DOCK5: variants seen among roughly 807,000 people sequenced by gnomAD.
DOCK5 encodes dedicator of cytokinesis 5.
In DOCK5, 142 loss-of-function variants were observed where a neutral mutation model predicts 251.8. That is an observed-to-expected ratio of 0.56 (90% CI 0.49 to 0.65). DOCK5 has a LOEUF of 0.65. Among genes scored for constraint, DOCK5 ranks in the 30% least tolerant of loss-of-function variants. The pLI is 0.00. For missense variants in DOCK5, 2,111 were observed against 2,312.3 expected (o/e 0.91, Z 1.79); for synonymous variants, 842 against 835.5 (o/e 1.01, Z -0.13).
chr8:25,384,313 G>A (rs1397657514), intron 40 of DOCK5, among the ~76,000 whole-genome samples: 1 of 152,118 alleles, frequency 6.6e-6, no homozygotes, highest in Admixed American at 6.5e-5. Context: ...AATTTTTGGT[G>A]GCAGTGAAAC....
At chr8:25,200,393 T>G (rs1468049502) in intron 1 of DOCK5, among the ~76,000 whole-genome samples, 1 of 152,216 alleles carries the variant, frequency 6.6e-6, no homozygotes, top group Non-Finnish European at 1.5e-5. Flanking sequence ...ATTTAGTAAT[T>G]TATAGCACAT....
chr8:25,316,116 C>T (rs1475874876), intron 13 of DOCK5, among the ~76,000 whole-genome samples: 1 of 151,218 alleles, frequency 6.6e-6, no homozygotes, highest in African/African-American at 2.4e-5. Context: ...TGCTGGGTAA[C>T]AAAAAAGAAA....
At chr8:25,275,309 T>C (rs1441578976) in intron 3 of DOCK5, 77 bp from the exon 4 acceptor site, 1 of 1,238,188 alleles carries the variant, frequency 8.1e-7, no homozygotes, top group East Asian at 2.4e-5. Context: ...TTATTCTCTT[T>C]ACTTTGGGCT....
chr8:25,319,699 C>G lies in DOCK5; in HGVS notation c.1542+23C>G, dbSNP rs1021870710. 4.7e-6 allele frequency: 7 copies of G among 1,500,254 alleles called. No homozygotes were observed. In the South Asian group the frequency reaches 8.5e-5, roughly 18 times the overall value. The allele number at this position is 1,500,254 out of a possible 1,614,324, so 92.9% of individuals were successfully genotyped here. A position where few individuals can be genotyped will look rare whatever the true frequency, so the allele number is the denominator to read the frequency against. Reference sequence around the variant, plus strand: ...AAGGTGAGAATGAGTCATTTGTAACCCCTGTTATCTGTTAAACCTCAGTTA... The same window carrying G: ...AAGGTGAGAATGAGTCATTTGTAACGCCTGTTATCTGTTAAACCTCAGTTA... On this transcript the variant is annotated intron_variant, in intron 15 of 51. Coordinates refer to ENST00000276440, the MANE Select transcript of DOCK5 (RefSeq NM_024940.8).
At chr8:25,224,087 A>G (rs555128420) in intron 1 of DOCK5, among the ~76,000 whole-genome samples, 9 of 152,218 alleles carry the variant, frequency 5.9e-5, no homozygotes, top group African/African-American at 2.2e-4. Context: ...ACGTTTATAT[A>G]CTATCCTTGA....
intron 49 of DOCK5, 38 bp downstream of exon 49, chr8:25,408,192 C>A: frequency 6.5e-7 from 1 of 1,537,474 alleles, no homozygotes; most frequent in Non-Finnish European, 8.8e-7. Flanking sequence ...TCTCTGGAGG[C>A]TTGCCCCCCT....
chr8:25,189,008 T>C (rs949072022), intron 1 of DOCK5, among the ~76,000 whole-genome samples: 1 of 151,438 alleles, frequency 6.6e-6, no homozygotes, highest in East Asian at 1.9e-4. Flanking sequence ...ATGGATTCTT[T>C]GCAAAGCTTT....
In DOCK5 at chr8:25,395,700, G is replaced by C. The variant is rs1801334141; in HGVS notation, c.4685G>C (p.Gly1562Ala). The part of the protein sequence containing the change: ...SGIVDPAVMG[G>A]FSNYEKAFFT... ...ATCGTGGACCCGGCCGTCATGGGGG[G>C]CTTCTCCAACTATGAAAAGGTTCGC... The change falls in exon 45 of 52, where the codon GGC becomes GCC. Residue 1562 changes from glycine (G) to alanine (A), a missense_variant. Gly to Ala is a moderately conservative substitution (Grantham distance 60, BLOSUM62 0). Coordinates refer to ENST00000276440, the MANE Select transcript of DOCK5 (RefSeq NM_024940.8). 2 of 1,613,786 alleles carry C rather than the reference G, an allele frequency of 1.2e-6. No individual in the cohort carries two copies. The highest frequency in any genetic ancestry group is 1.7e-6 in the Non-Finnish European group (2 of 1,179,824).
In DOCK5 at chr8:25,415,620, GAC is replaced by G. The variant is rs1308630224; in HGVS notation, c.*4324_*4325del. 2 of 152,180 alleles carry G rather than the reference GAC, an allele frequency of 1.3e-5. No individual in the cohort carries two copies. Among genetic ancestry groups the G allele is most frequent in the African/African-American group, 4.8e-5 (2 of 41,424 alleles). 9.4% of individuals were successfully genotyped at this position (152,180 alleles called of 1,614,324 possible). A position where few individuals can be genotyped will look rare whatever the true frequency, so the allele number is the denominator to read the frequency against. ...TGTTGCTATCTGGATTTCAAACATG[GAC>G]AGTTAGGAAGATGTGCATTGAAGTA... On this transcript the variant is annotated 3_prime_UTR_variant, in exon 52 of 52. Transcript: ENST00000276440.
intron 9 of DOCK5, 44 bp downstream of exon 9, chr8:25,300,701 T>C: frequency 2.6e-6 from 4 of 1,542,602 alleles, no homozygotes; most frequent in Non-Finnish European, 3.6e-6. Context: ...GTTTGTGATA[T>C]GAGCATATTC....
chr8:25,380,841 CCGAA>C (rs1413282749), intron 39 of DOCK5, among the ~76,000 whole-genome samples: 48 of 151,734 alleles, frequency 3.2e-4, no homozygotes, highest in African/African-American at 1.1e-3. Context: ...AGCCACCATT[CCGAA>C]TGCCCAGTGG....
Position 25,411,459 on chromosome 8 carries a change from T to A in DOCK5, c.*161T>A, listed in dbSNP as rs1025293393. The A allele has an allele frequency of 9.3e-7, 1 of 1,080,706 alleles. No homozygotes were observed. Among genetic ancestry groups the A allele is most frequent in the African/African-American group, 1.6e-5 (1 of 60,632 alleles). The allele number at this position is 1,080,706 out of a possible 1,614,324, so 66.9% of individuals were successfully genotyped here. ...AACCAGTCATGTTCTTCCAAAAGCTTCTCTTTGATAGAATTTTGAGGCCAT... is the reference window on the plus strand; with the variant it reads ...AACCAGTCATGTTCTTCCAAAAGCTACTCTTTGATAGAATTTTGAGGCCAT... On this transcript the variant is annotated 3_prime_UTR_variant, in exon 52 of 52. Transcript: ENST00000276440.
intron 1 of DOCK5, among the ~76,000 whole-genome samples, chr8:25,199,380 C>T (rs375140734): frequency 2.1e-4 from 25 of 117,866 alleles, no homozygotes; most frequent in East Asian, 7.3e-4. Context: ...CCGCTCTGTT[C>T]TTTTTTTTTT....
chr8:25,334,626 G>A (rs766701726), intron 21 of DOCK5, among the ~76,000 whole-genome samples: 3 of 151,778 alleles, frequency 2.0e-5, no homozygotes, highest in Non-Finnish European at 2.9e-5. Context: ...TGAGAGGATT[G>A]CTTAAGCCCA....
At chr8:25,297,341 T>A (rs1436085265) in intron 7 of DOCK5, among the ~76,000 whole-genome samples, 1 of 151,972 alleles carries the variant, frequency 6.6e-6, no homozygotes, top group Non-Finnish European at 1.5e-5. Context: ...CACTGCAACC[T>A]CTGCCTCCTG....
rs191691964 is a variant in DOCK5, at chr8:25,335,118, C to T, written c.2192+922C>T. Reference sequence around the variant, plus strand: ...CACCCGTTGCCTTCCAGTTATTGTGCAGAATGTGATAAATAGTGAAAGGAA... The same window carrying T: ...CACCCGTTGCCTTCCAGTTATTGTGTAGAATGTGATAAATAGTGAAAGGAA... On this transcript the variant is annotated intron_variant, in intron 21 of 51. Coordinates refer to ENST00000276440, the MANE Select transcript of DOCK5 (RefSeq NM_024940.8). Among the ~76,000 whole-genome samples the T allele has an allele frequency of 3.2e-3, 493 of 152,324 alleles. 9 individuals are homozygous for T. Among genetic ancestry groups the T allele is most frequent in the African/African-American group, 0.011 (472 of 41,564 alleles).
chr8:25,394,670 G>A (rs1236726878), intron 44 of DOCK5, among the ~76,000 whole-genome samples: 5 of 152,114 alleles, frequency 3.3e-5, no homozygotes, highest in Admixed American at 6.5e-5. Context: ...AGTCTCCAAG[G>A]AAGTGTTGCC....
rs1801555657 is a variant in DOCK5, at chr8:25,408,148, T to C, written c.5259T>C (p.Asp1753=). 1.3e-6 allele frequency: 2 copies of C among 1,580,960 alleles called. No individual in the cohort carries two copies. The highest frequency in any genetic ancestry group is 1.4e-5 in the African/African-American group (1 of 73,764). ...QVIAEKAPEP[D]LMSPTRKAQR... ...TTGCAGAGAAAGCACCAGAACCCGA[T>C]TTGATGGTAAAAAACAGAAAAGAAA... Residue 1753 remains aspartate, a synonymous_variant, in exon 49 of 52, where the codon GAT becomes GAC. Coordinates refer to ENST00000276440, the MANE Select transcript of DOCK5 (RefSeq NM_024940.8).
intron 40 of DOCK5, among the ~76,000 whole-genome samples, chr8:25,388,182 C>T (rs1205457718): frequency 6.6e-6 from 1 of 152,184 alleles, no homozygotes; most frequent in African/African-American, 2.4e-5. Flanking sequence ...AAGGTAAGTT[C>T]TGTGAGAGCA....
Sources: gnomAD v4.1 joint callset for allele counts (sites outside exome capture counted in the v4.1 genomes callset) on GRCh38, gnomAD v4.1.1 for gene constraint, MANE v1.5 for transcripts, NCBI Gene and HGNC (gene_info 2026-07-23, HGNC 2026-07-21) for gene names.